The following ULK4 variants were observed in gnomAD, a reference collection of about 807,000 sequenced individuals.
ULK4 encodes the protein unc-51 like kinase 4.
Under a neutral mutation model 160.6 loss-of-function variants are expected in ULK4, and 133 were observed. The observed-to-expected ratio is 0.83, with a 90% CI of 0.72 to 0.96. The LOEUF (loss-of-function observed/expected upper bound fraction) is 0.96. ULK4 is among the 40% of genes least tolerant of loss of function. The pLI is 0.00. For missense variants in ULK4, 1,580 were observed against 1,499.5 expected (o/e 1.05, Z -0.89); for synonymous variants, 534 against 539.8 (o/e 0.99, Z 0.15).
At chr3:41,752,195 A>G (rs1413673700) in intron 22 of ULK4, among the ~76,000 whole-genome samples, 1 of 152,094 alleles carries the variant, frequency 6.6e-6, no homozygotes, top group African/African-American at 2.4e-5. Flanking sequence ...TTATTGTTTT[A>G]TTTTGTCCCT....
intron 2 of ULK4, among the ~76,000 whole-genome samples, chr3:41,943,655 G>A (rs1700031061): frequency 6.6e-6 from 1 of 151,978 alleles, no homozygotes; most frequent in African/African-American, 2.4e-5. Flanking sequence ...TTATTTCAGG[G>A]AAGATAGAAC....
chr3:41,667,770 C>A (rs2035396134), intron 29 of ULK4, among the ~76,000 whole-genome samples: 1 of 152,220 alleles, frequency 6.6e-6, no homozygotes, highest in Non-Finnish European at 1.5e-5. Context: ...GGGGCCAAAG[C>A]AGCAGAGATC....
chr3:41,799,289 T>C (rs2125603083), intron 20 of ULK4, among the ~76,000 whole-genome samples: 1 of 152,312 alleles, frequency 6.6e-6, no homozygotes, highest in East Asian at 1.9e-4. Flanking sequence ...GAGTATTAAA[T>C]TGATACAAGC....
intron 7 of ULK4, among the ~76,000 whole-genome samples, chr3:41,917,561 TTAC>T (rs1249735406): frequency 6.6e-6 from 1 of 152,192 alleles, no homozygotes; most frequent in Non-Finnish European, 1.5e-5. Context: ...GCAAAATGTT[TTAC>T]TACACTTGTG....
At position 41,310,583 on chromosome 3, in the gene ULK4, CAG is replaced by C. The variant is rs992957440; in HGVS notation, c.3679-61011_3679-61010del. On this transcript the variant is annotated intron_variant, in intron 35 of 36. Transcript: ENST00000301831. ...CAGGATAAACTGACCAATTAAAAAA[CAG>C]AGATTGTCAGAGCAGATAAAAACAA... 3.4e-4 allele frequency among the ~76,000 whole-genome samples: 51 copies of C among 152,102 alleles called. 1 individual carries two copies. The highest frequency in any genetic ancestry group is 1.5e-5 in the Non-Finnish European group (1 of 68,020).
intron 34 of ULK4, among the ~76,000 whole-genome samples, chr3:41,412,445 A>G (rs11915888): frequency 0.35 from 53,057 of 150,196 alleles, 10,116 homozygotes; most frequent in South Asian, 0.51. Context: ...TCAAAGTTTC[A>G]TATGGAAATG....
chr3:41,804,055 T>C (rs6793567), intron 19 of ULK4, among the ~76,000 whole-genome samples: 26,678 of 151,308 alleles, frequency 0.18, 6,104 homozygotes, highest in African/African-American at 0.53. Context: ...GCTCAGGAAT[T>C]GCCACACTGA....
chr3:41,551,761 A>C (rs539696008), intron 32 of ULK4, among the ~76,000 whole-genome samples: 1 of 151,982 alleles, frequency 6.6e-6, no homozygotes, highest in Non-Finnish European at 1.5e-5. Flanking sequence ...ATTACCCCCA[A>C]CTCATTCTAC....
chr3:41,739,020 T>A (rs1266277904), intron 22 of ULK4, among the ~76,000 whole-genome samples: 1 of 151,886 alleles, frequency 6.6e-6, no homozygotes, highest in African/African-American at 2.4e-5. Flanking sequence ...AGTCACATTC[T>A]CACATGTGGA....
At chr3:41,444,327 TTGG>T (rs2083242501) in intron 34 of ULK4, among the ~76,000 whole-genome samples, 1 of 151,716 alleles carries the variant, frequency 6.6e-6, no homozygotes, top group Non-Finnish European at 1.5e-5. Flanking sequence ...CACTTTTCTC[TTGG>T]GGGTATCTCT....
intron 21 of ULK4, among the ~76,000 whole-genome samples, chr3:41,771,479 CTAA>C (rs527419071): frequency 2.0e-3 from 311 of 152,246 alleles, no homozygotes; most frequent in African/African-American, 7.1e-3. Context: ...TCTATCATTA[CTAA>C]TATTATTAGT....
chr3:41,282,978 T>G (rs1296830662), intron 35 of ULK4, among the ~76,000 whole-genome samples: 2 of 151,970 alleles, frequency 1.3e-5, no homozygotes, highest in African/African-American at 4.8e-5. Flanking sequence ...ATCAAAAAGT[T>G]GGCAAATGAT....
chr3:41,448,379 C>T (rs2083352311), intron 34 of ULK4, among the ~76,000 whole-genome samples: 2 of 152,104 alleles, frequency 1.3e-5, no homozygotes, highest in Admixed American at 1.3e-4. Context: ...TAAGGGAAAT[C>T]AAGGCATGTT....
chr3:41,397,588 T>C (rs1256791918), intron 35 of ULK4, among the ~76,000 whole-genome samples: 3 of 152,042 alleles, frequency 2.0e-5, no homozygotes, highest in Admixed American at 6.6e-5. Context: ...TCTTCAAAAA[T>C]ATCATGAAAG....
intron 21 of ULK4, among the ~76,000 whole-genome samples, chr3:41,756,526 TA>T (rs996236033): frequency 6.6e-6 from 1 of 151,674 alleles, no homozygotes; most frequent in African/African-American, 2.4e-5. Context: ...CATGAAGAAG[TA>T]AAAAAAGGAA....
intron 35 of ULK4, among the ~76,000 whole-genome samples, chr3:41,334,365 T>C (rs1396656167): frequency 6.6e-6 from 1 of 152,258 alleles, no homozygotes; most frequent in East Asian, 1.9e-4. Flanking sequence ...CCTGAGGGGA[T>C]CCCAAGCCTC....
intron 30 of ULK4, among the ~76,000 whole-genome samples, chr3:41,626,724 C>T (rs1240961741): frequency 6.6e-6 from 1 of 151,812 alleles, no homozygotes; most frequent in East Asian, 1.9e-4. Flanking sequence ...GACGGGGTTT[C>T]ACCATGTTAG....
intron 22 of ULK4, among the ~76,000 whole-genome samples, chr3:41,750,390 T>C (rs1055459962): frequency 1.3e-5 from 2 of 152,182 alleles, no homozygotes; most frequent in African/African-American, 4.8e-5. Flanking sequence ...ATTTCCTCAA[T>C]TGGAAATCCT....
At chr3:41,436,605 A>T (rs1431956731) in intron 34 of ULK4, among the ~76,000 whole-genome samples, 1 of 152,218 alleles carries the variant, frequency 6.6e-6, no homozygotes, top group Non-Finnish European at 1.5e-5. Flanking sequence ...ATGAAAAAGG[A>T]GCCTTTATGC....
Sources: gnomAD v4.1 joint callset for allele counts (sites outside exome capture counted in the v4.1 genomes callset) on GRCh38, gnomAD v4.1.1 for gene constraint, MANE v1.5 for transcripts, NCBI Gene and HGNC (gene_info 2026-07-23, HGNC 2026-07-21) for gene names.